TFAP2C: variants seen among roughly 807,000 people sequenced by gnomAD.
TFAP2C encodes the protein activating enhancer-binding protein 2 gamma.
A neutral mutation model predicts 42.9 loss-of-function variants in TFAP2C; 9 were observed. The observed-to-expected ratio is 0.21, with a 90% confidence interval of 0.13 to 0.37. The LOEUF (loss-of-function observed/expected upper bound fraction) is 0.37, where lower values mean the gene tolerates loss of function less well. Among genes scored for constraint, TFAP2C ranks in the 10% least tolerant of loss-of-function variants. TFAP2C has a pLI of 1.00. For missense variants in TFAP2C, 462 were observed against 591.7 expected, an observed-to-expected ratio of 0.78 and a Z score of 2.27; for synonymous variants, 264 against 256.0, an observed-to-expected ratio of 1.03 and a Z score of -0.30.
chr20:56,631,938 G>T lies in TFAP2C; in HGVS notation c.586+82G>T. ...TGACTGGCAAGGTTGGGGGTATTTG[G>T]TGGCCAGCGTGGGACATTTGTGGTA... On this transcript the variant is annotated intron_variant, in intron 3 of 6. Transcript: ENST00000201031. This position sits in a 1 kb window ranked among gnomAD's most constrained non-coding sequence, Gnocchi z 6.1. 1 of 1,474,616 alleles carries T rather than the reference G, an allele frequency of 6.8e-7. No individual in the cohort carries two copies. The allele number at this position is 1,474,616 out of a possible 1,614,324, so 91.3% of individuals were successfully genotyped here.
rs1039447996 is a variant in TFAP2C at position 56,630,735 on chromosome 20, G to T, written c.49-470G>T. 6.7e-5 allele frequency: 66 copies of T among 985,214 alleles called. 1 individual carries two copies. Among genetic ancestry groups the T allele is most frequent in the Non-Finnish European group, 8.0e-5 (66 of 829,888 alleles). 61.0% of individuals were successfully genotyped at this position (985,214 alleles called of 1,614,324 possible). A position where few individuals can be genotyped will look rare whatever the true frequency, so the allele number is the denominator to read the frequency against. On this transcript the variant is annotated intron_variant, in intron 1 of 6. Coordinates refer to ENST00000201031, the MANE Select transcript of TFAP2C (RefSeq NM_003222.4). The surrounding 1 kb of genome is among the most constrained non-coding windows in gnomAD (Gnocchi z 5.1). ...GGGGCGGGGGAGGTGCGCATTTCCC[G>T]CGCCGCGCACTCTATCCGCGCCTGC...
At chr20:56,634,102 G>A (rs555789543) in intron 4 of TFAP2C, 48 bp from the exon 5 acceptor site, 2 of 1,282,010 alleles carry the variant, frequency 1.6e-6, no homozygotes, top group East Asian at 2.3e-5. Flanking sequence ...GCGTGTGTAT[G>A]TGTTTTTGTT....
At chr20:56,632,729 T>TGA (rs10625200) in intron 3 of TFAP2C, among the ~76,000 whole-genome samples, 73,518 of 151,316 alleles carry the variant, frequency 0.49, 19,929 homozygotes, top group African/African-American at 0.75. Context: ...TGGTTGTTCT[T>TGA]GAGGGGAAAA....
In TFAP2C at chr20:56,637,735, T is replaced by G; in HGVS notation, c.1075T>G (p.Cys359Gly). Residue 359 changes from cysteine to glycine, a missense_variant, in exon 7 of 7, where the codon TGT becomes GGT. By Grantham distance (159) the Cys-to-Gly change is radical. Transcript: ENST00000201031. Reference sequence around the variant, plus strand: ...AACTGACTGTCTTCACAGGCAACTGTGTAAAGAATTCACAGAACTTCTCAG... The same window carrying G: ...AACTGACTGTCTTCACAGGCAACTGGGTAAAGAATTCACAGAACTTCTCAG... ...KNMLLAAQQL[C>G]KEFTELLSQD... 6.2e-7 allele frequency: 1 copy of G among 1,614,022 alleles called. No homozygotes were observed. Among genetic ancestry groups the G allele is most frequent in the Non-Finnish European group, 8.5e-7 (1 of 1,179,928 alleles).
intron 5 of TFAP2C, among the ~76,000 whole-genome samples, chr20:56,634,781 AAAAAAC>A (rs1987553932): frequency 6.6e-6 from 1 of 152,188 alleles, no homozygotes; most frequent in Non-Finnish European, 1.5e-5. Context: ...CATCCAAAGA[AAAAAAC>A]TAATCGAACC....
chr20:56,629,438 G>A lies in TFAP2C; in HGVS notation c.-107G>A. ...ACAGCAAGGCCCGCGCGCGGCGGGGGCGGCGGCAGACGCCTGGTCACCGTG... is the reference window on the plus strand; with the variant it reads ...ACAGCAAGGCCCGCGCGCGGCGGGGACGGCGGCAGACGCCTGGTCACCGTG... On this transcript the variant is annotated 5_prime_UTR_variant, in exon 1 of 7. Coordinates refer to ENST00000201031, the MANE Select transcript of TFAP2C (RefSeq NM_003222.4). The surrounding 1 kb of genome is among the most constrained non-coding windows in gnomAD (Gnocchi z 5.9). 5 of 1,043,614 alleles carry A rather than the reference G, an allele frequency of 4.8e-6. No homozygotes were observed. The highest frequency in any genetic ancestry group is 6.4e-6 in the Non-Finnish European group (5 of 777,914). The allele number at this position is 1,043,614 out of a possible 1,614,324, so 64.6% of individuals were successfully genotyped here.
rs745520350 is a variant in TFAP2C at position 56,629,521 on chromosome 20, C to G, written c.-24C>G. 1.4e-6 allele frequency: 2 copies of G among 1,402,836 alleles called. No homozygotes were observed. The highest frequency in any genetic ancestry group is 1.9e-6 in the Non-Finnish European group (2 of 1,074,250). 86.9% of individuals were successfully genotyped at this position (1,402,836 alleles called of 1,614,324 possible). ...GGGGGATCCTGGATTTAACTGGCGA[C>G]TGTTTTGGGGGACGCCGGACGCCAT... On this transcript the variant is annotated 5_prime_UTR_variant, in exon 1 of 7. Coordinates refer to ENST00000201031, the MANE Select transcript of TFAP2C (RefSeq NM_003222.4). This position sits in a 1 kb window ranked among gnomAD's most constrained non-coding sequence, Gnocchi z 5.9.
rs6092335 is a variant in TFAP2C at position 56,631,118 on chromosome 20, C to A, written c.49-87C>A. 10,511 of 1,455,534 alleles carry A rather than the reference C, an allele frequency of 7.2e-3. 662 individuals carry two copies. The African/African-American group carries it at 0.14, about 19-fold the overall frequency. 90.2% of individuals were successfully genotyped at this position (1,455,534 alleles called of 1,614,324 possible). Reference sequence around the variant, plus strand: ...GCGGGGTGCGGTTGGTCCCCCGGGGCCCTCTGCGTAGCCCGGCGATGCCGG... The same window carrying A: ...GCGGGGTGCGGTTGGTCCCCCGGGGACCTCTGCGTAGCCCGGCGATGCCGG... On this transcript the variant is annotated intron_variant, in intron 1 of 6. Coordinates refer to ENST00000201031, the MANE Select transcript of TFAP2C (RefSeq NM_003222.4). This position sits in a 1 kb window ranked among gnomAD's most constrained non-coding sequence, Gnocchi z 6.1.
At position 56,638,799 on chromosome 20, in the gene TFAP2C, G is replaced by A. The variant is rs1266882730; in HGVS notation, c.*786G>A. On this transcript the variant is annotated 3_prime_UTR_variant, in exon 7 of 7. Coordinates refer to ENST00000201031, the MANE Select transcript of TFAP2C (RefSeq NM_003222.4). The stretch of plus-strand genomic sequence containing the variant: ...TTTCGAGTAAACTTGAAAAGGGTAG[G>A]CACGAAGCAATTTGTTGCTGCTTGT... The A allele has an allele frequency of 6.6e-6, 1 of 152,262 alleles. No homozygotes were observed. Among genetic ancestry groups the A allele is most frequent in the East Asian group, 1.9e-4 (1 of 5,184 alleles). 9.4% of individuals were successfully genotyped at this position (152,262 alleles called of 1,614,324 possible).
In TFAP2C at chr20:56,631,395, G is replaced by T. The variant is rs780199717; in HGVS notation, c.239G>T (p.Gly80Val). 1 of 1,610,038 alleles carries T rather than the reference G, an allele frequency of 6.2e-7. No individual in the cohort carries two copies. Among genetic ancestry groups the T allele is most frequent in the Non-Finnish European group, 8.5e-7 (1 of 1,178,824 alleles). Residue 80 changes from glycine to valine, a missense_variant, in exon 2 of 7, where the codon GGG becomes GTG. By Grantham distance (109) the Gly-to-Val change is moderately radical. Transcript: ENST00000201031. This position sits in a 1 kb window ranked among gnomAD's most constrained non-coding sequence, Gnocchi z 6.1. ...SQSADPYSHL[G>V]EAYAAAINPL... is the part of the protein sequence containing the mutation. ...TCGGCCGACCCCTACTCGCATCTGGGGGAAGCGTACGCCGCCGCCATCAAC... is the reference window on the plus strand; with the variant it reads ...TCGGCCGACCCCTACTCGCATCTGGTGGAAGCGTACGCCGCCGCCATCAAC...
intron 5 of TFAP2C, among the ~76,000 whole-genome samples, chr20:56,634,481 T>G (rs983316541): frequency 3.0e-4 from 45 of 152,254 alleles, no homozygotes; most frequent in Admixed American, 2.9e-3. Context: ...AGGTAGGCTC[T>G]TCTGTATTCC....
intron 4 of TFAP2C, 53 bp downstream of exon 4, chr20:56,633,622 A>G: frequency 7.4e-7 from 1 of 1,346,072 alleles, no homozygotes; most frequent in Non-Finnish European, 1.1e-6. Context: ...AGGTGAGTGT[A>G]TCAGAGGCCC....
chr20:56,633,665 G>A (rs891981065), intron 4 of TFAP2C, 96 bp downstream of exon 4: 39 of 859,244 alleles, frequency 4.5e-5, no homozygotes, highest in Admixed American at 1.3e-4. Context: ...GTGACTTTAT[G>A]CCTAACACTG....
At chr20:56,634,086 A>C in intron 4 of TFAP2C, 64 bp from the exon 5 acceptor site, 1 of 1,083,686 alleles carries the variant, frequency 9.2e-7, no homozygotes, top group Non-Finnish European at 1.4e-6. Flanking sequence ...AGAATTTTTA[A>C]AGTGTGCGTG....
rs1213123727 is a variant in TFAP2C at position 56,635,988 on chromosome 20, T to TC, written c.923-615dup. ...AGTACAGACACAACCATTCATTATTTCCCCCCCGAATCTTTTCAATCTGAG... is the reference window on the plus strand; with the variant it reads ...AGTACAGACACAACCATTCATTATTTCCCCCCCCGAATCTTTTCAATCTGAG... On this transcript the variant is annotated intron_variant, in intron 5 of 6. Coordinates refer to ENST00000201031, the MANE Select transcript of TFAP2C (RefSeq NM_003222.4). Among the ~76,000 whole-genome samples the TC allele has an allele frequency of 6.6e-5, 10 of 152,204 alleles. 1 individual carries two copies. Among genetic ancestry groups the TC allele is most frequent in the Admixed American group, 2.6e-4 (4 of 15,278 alleles).
chr20:56,638,425 A>G lies in TFAP2C; in HGVS notation c.*412A>G, dbSNP rs994409938. 3 of 164,258 alleles carry G rather than the reference A, an allele frequency of 1.8e-5. No individual in the cohort carries two copies. The highest frequency in any genetic ancestry group is 4.0e-5 in the Non-Finnish European group (3 of 74,654). The allele number at this position is 164,258 out of a possible 1,614,324, so 10.2% of individuals were successfully genotyped here. A position where few individuals can be genotyped will look rare whatever the true frequency, so the allele number is the denominator to read the frequency against. ...ACAGATCAACAATACCTTTTTTTTC[A>G]GTGTTAAGGTAATGGTTGGTTTTTG... On this transcript the variant is annotated 3_prime_UTR_variant, in exon 7 of 7. Transcript: ENST00000201031.
chr20:56,637,938 C>T lies in TFAP2C; in HGVS notation c.1278C>T (p.Ser426=). 2 of 1,613,856 alleles carry T rather than the reference C, an allele frequency of 1.2e-6. No individual in the cohort carries two copies. Among genetic ancestry groups the T allele is most frequent in the Non-Finnish European group, 1.7e-6 (2 of 1,179,722 alleles). The change falls in exon 7 of 7, where the codon TCC becomes TCT. Residue 426 remains serine (S), a synonymous_variant. Coordinates refer to ENST00000201031, the MANE Select transcript of TFAP2C (RefSeq NM_003222.4). ...IKEALIVIDK[S]YMNPGDQSPA... ...AAGCCCTGATTGTCATAGACAAATC[C>T]TACATGAACCCTGGAGACCAGAGTC...
In TFAP2C at chr20:56,639,013, T is replaced by C. The variant is rs1987639556; in HGVS notation, c.*1000T>C. The C allele has an allele frequency of 6.6e-6, 1 of 152,578 alleles. No homozygotes were observed. The highest frequency in any genetic ancestry group is 1.5e-5 in the Non-Finnish European group (1 of 68,030). The allele number at this position is 152,578 out of a possible 1,614,324, so 9.5% of individuals were successfully genotyped here. ...GGGTAATCTATAACACATCATAAGG[T>C]TTTATTCATATATATACAGGGTATT... On this transcript the variant is annotated 3_prime_UTR_variant, in exon 7 of 7. Transcript: ENST00000201031.
At chr20:56,635,053 C>T (rs1045152087) in intron 5 of TFAP2C, among the ~76,000 whole-genome samples, 3 of 152,188 alleles carry the variant, frequency 2.0e-5, no homozygotes, top group Non-Finnish European at 4.4e-5. Flanking sequence ...CAAGGAGAAA[C>T]GGGCTCCCCG....
Sources: gnomAD v4.1 joint callset for allele counts (sites outside exome capture counted in the v4.1 genomes callset) on GRCh38, gnomAD v4.1.1 for gene constraint, Gnocchi (gnomAD v3.1) non-coding constraint, MANE v1.5 for transcripts, NCBI Gene and HGNC (gene_info 2026-07-23, HGNC 2026-07-21) for gene names.